Variants in POLM observed in about 807,000 individuals in gnomAD.
POLM encodes the protein DNA-directed DNA/RNA polymerase mu.
Under a neutral mutation model 56.7 loss-of-function variants are expected in POLM, and 52 were observed. The observed-to-expected ratio is 0.92, with a 90% CI of 0.73 to 1.15. The LOEUF (loss-of-function observed/expected upper bound fraction) is 1.15. Ranked by LOEUF, POLM falls within the 50% of genes most tolerant of loss-of-function variation. The pLI is 0.00. For missense variants in POLM, 660 were observed against 663.6 expected, an observed-to-expected ratio of 0.99 and a Z score of 0.06; for synonymous variants, 273 against 274.3, an observed-to-expected ratio of 1.00 and a Z score of 0.05.
In POLM at chr7:44,082,363, G is replaced by A; in HGVS notation, c.76C>T (p.Arg26Cys). 3 of 1,546,356 alleles carry A rather than the reference G, an allele frequency of 1.9e-6. No individual in the cohort carries two copies. Among genetic ancestry groups the A allele is most frequent in the Non-Finnish European group, 1.7e-6 (2 of 1,154,964 alleles). Residue 26 changes from arginine (R) to cysteine (C), a missense_variant, in exon 1 of 11, where the codon CGC (arginine) becomes TGC (cysteine). Coordinates refer to ENST00000242248, the MANE Select transcript of POLM (RefSeq NM_013284.4). ...DAASSTPPST[R>C]FPGVAIYLVE... ...AGGTAGATGGCGACTCCCGGGAAGCGCGTCGAGGGCGGCGTGGAGGAAGCG... is the reference window on the plus strand; with the variant it reads ...AGGTAGATGGCGACTCCCGGGAAGCACGTCGAGGGCGGCGTGGAGGAAGCG...
intron 10 of POLM, 57 bp from the exon 11 acceptor site, chr7:44,073,434 C>A: frequency 6.3e-7 from 1 of 1,594,968 alleles, no homozygotes; most frequent in Non-Finnish European, 8.6e-7. Flanking sequence ...TGCTTCCCTG[C>A]AGGAAGACTG....
intron 2 of POLM, 23 bp downstream of exon 2, chr7:44,080,710 C>T: frequency 6.2e-7 from 1 of 1,611,828 alleles, no homozygotes; most frequent in Non-Finnish European, 8.5e-7. Context: ...GTAGCCCCCA[C>T]TTTAGTCTTC....
At chr7:44,074,265 ACACGG>A in intron 7 of POLM, 32 bp from the exon 8 acceptor site, 1 of 1,550,482 alleles carries the variant, frequency 6.4e-7, no homozygotes, top group South Asian at 1.2e-5. Context: ...TGACTCAGGG[ACACGG>A]CCTGCTCACT....
At chr7:44,076,176 C>T (rs1001566068) in intron 6 of POLM, 25 of 209,310 alleles carry the variant, frequency 1.2e-4, no homozygotes, top group Middle Eastern at 1.7e-3. Flanking sequence ...TTCTGCTGCT[C>T]AGTGCCACCT....
chr7:44,072,143 T>C lies in POLM; in HGVS notation c.*1148A>G, dbSNP rs1410730929. The C allele has an allele frequency of 6.6e-6, 1 of 152,132 alleles. No individual in the cohort carries two copies. The highest frequency in any genetic ancestry group is 1.5e-5 in the Non-Finnish European group (1 of 68,046). 9.4% of individuals were successfully genotyped at this position (152,132 alleles called of 1,614,324 possible). A position where few individuals can be genotyped will look rare whatever the true frequency, so the allele number is the denominator to read the frequency against. ...TAGGGATGTAGCACCGCTAAGTGGGTGGGGGTGGAGAAGCACATGACCACA... is the reference window on the plus strand; with the variant it reads ...TAGGGATGTAGCACCGCTAAGTGGGCGGGGGTGGAGAAGCACATGACCACA... On this transcript the variant is annotated 3_prime_UTR_variant, in exon 11 of 11. Transcript: ENST00000242248.
chr7:44,080,351 C>A, intron 2 of POLM: 1 of 544,346 alleles, frequency 1.8e-6, no homozygotes. Flanking sequence ...GGCAACCTGG[C>A]CCCAAGCCCA....
chr7:44,080,319 GC>G, intron 2 of POLM: 1 of 541,102 alleles, frequency 1.8e-6, no homozygotes, highest in South Asian at 1.5e-5. Context: ...TGGCTCACAG[GC>G]TGGGCCAGGA....
At chr7:44,081,584 AT>A (rs1410024846) in intron 1 of POLM, among the ~76,000 whole-genome samples, 1 of 151,716 alleles carries the variant, frequency 6.6e-6, no homozygotes, top group African/African-American at 2.4e-5. Flanking sequence ...TGTAGCCGCC[AT>A]TTTTTCTTCT....
At position 44,074,389 on chromosome 7, in the gene POLM, C is replaced by G. The variant is rs749018987; in HGVS notation, c.968+9G>C. The G allele has an allele frequency of 1.3e-6, 2 of 1,553,558 alleles. No individual in the cohort carries two copies. Among genetic ancestry groups the G allele is most frequent in the South Asian group, 1.2e-5 (1 of 84,208 alleles). ...AGCCAAGCCAGAGGGGCACGTCGGG[C>G]CTTCTTACCTGCGGAAGCCGCCGGT... On this transcript the variant is annotated intron_variant, in intron 7 of 10. Transcript: ENST00000242248.
At chr7:44,078,667 G>T in intron 5 of POLM, 73 bp downstream of exon 5, 1 of 1,386,844 alleles carries the variant, frequency 7.2e-7, no homozygotes. Flanking sequence ...GCCTCCCCGT[G>T]CATGGTGTGG....
In POLM at chr7:44,079,894, AG is replaced by A; in HGVS notation, c.437del (p.Pro146LeufsTer51). The A allele has an allele frequency of 6.2e-7, 1 of 1,614,118 alleles. No individual in the cohort carries two copies. The highest frequency in any genetic ancestry group is 1.1e-5 in the South Asian group (1 of 91,088). ...AWMPAYACQR[P>X]TPLTHHNTGL... ...CAGTGTTGTGGTGTGTGAGGGGCGT[AG>A]GGCGCTGGCAGGCATAGGCAGGCAT... On this transcript the variant is annotated frameshift_variant, in exon 3 of 11. Transcript: ENST00000242248. LOFTEE classifies it high-confidence loss of function.
Position 44,074,492 on chromosome 7 carries a change from G to T in POLM, c.874C>A (p.Arg292=). 1 of 1,597,888 alleles carries T rather than the reference G, an allele frequency of 6.3e-7. No individual in the cohort carries two copies. The highest frequency in any genetic ancestry group is 8.5e-7 in the Non-Finnish European group (1 of 1,172,742). ...TGCTGCAGGGCATCTACATCGGACC[G>T]CAGGACTGGGGTGCTCAGGTCCTGG... is the stretch of plus-strand genomic sequence containing the variant. ...HHQDLSTPVL[R]SDVDALQQVV... is the part of the protein sequence containing the mutation. The change falls in exon 7 of 11, where the codon CGG becomes AGG. Residue 292 remains arginine, a synonymous_variant. Coordinates refer to ENST00000242248, the MANE Select transcript of POLM (RefSeq NM_013284.4).
At chr7:44,076,290 CT>C (rs2096183146) in intron 6 of POLM, 6 of 522,418 alleles carry the variant, frequency 1.1e-5, no homozygotes, top group Admixed American at 1.0e-4. Context: ...ACACAAGCCC[CT>C]GGCATATCAT....
chr7:44,077,384 C>A (rs2096186755), intron 5 of POLM, among the ~76,000 whole-genome samples: 1 of 152,240 alleles, frequency 6.6e-6, no homozygotes, highest in South Asian at 2.1e-4. Context: ...CCGGCCACAG[C>A]CCTCCCCATC....
In POLM at chr7:44,074,159, G is replaced by C. The variant is rs1586012060; in HGVS notation, c.1043C>G (p.Pro348Arg). The C allele has an allele frequency of 1.2e-6, 2 of 1,604,282 alleles. No homozygotes were observed. Reference sequence around the variant, plus strand: ...GTCCTGCAGGCGGCACATCACTCTAGGCAGCAGCCCCGCCTCCTGACCCTC... The same window carrying C: ...GTCCTGCAGGCGGCACATCACTCTACGCAGCAGCCCCGCCTCCTGACCCTC... ...PKEGQEAGLLPRVMCRLQDQG... is the reference protein window; with the variant it reads ...PKEGQEAGLLRRVMCRLQDQG... Residue 348 changes from proline (P) to arginine (R), a missense_variant, in exon 8 of 11, where the codon CCT (proline) becomes CGT (arginine). Pro to Arg is a moderately radical substitution (Grantham distance 103, BLOSUM62 -2). Coordinates refer to ENST00000242248, the MANE Select transcript of POLM (RefSeq NM_013284.4).
In POLM at chr7:44,079,715, T is replaced by G. The variant is rs1037309739; in HGVS notation, c.498A>C (p.Ala166=). 6.2e-7 allele frequency: 1 copy of G among 1,611,068 alleles called. No individual in the cohort carries two copies. The highest frequency in any genetic ancestry group is 1.3e-5 in the African/African-American group (1 of 74,992). Residue 166 remains alanine (A), a synonymous_variant, in exon 4 of 11, where the codon GCA becomes GCC. Transcript: ENST00000242248. The stretch of plus-strand genomic sequence containing the variant: ...GGCCCTCACTGCCTTCAAAGCCTGC[T>G]GCCTCGGCCAGTATCTCCAGAGCCT... ...LSEALEILAE[A]AGFEGSEGRL...
chr7:44,074,991 C>T (rs1332307496), intron 6 of POLM, among the ~76,000 whole-genome samples: 4 of 152,218 alleles, frequency 2.6e-5, no homozygotes, highest in Non-Finnish European at 4.4e-5. Context: ...ATGACGAACA[C>T]CTCACTCTGG....
chr7:44,076,926 G>A (rs536627999), intron 5 of POLM: 21 of 279,550 alleles, frequency 7.5e-5, no homozygotes, highest in Middle Eastern at 1.0e-3. Flanking sequence ...ACATCAGCAC[G>A]AGGGGCTCCT....
In POLM at chr7:44,078,736, G is replaced by A. The variant is rs768350040; in HGVS notation, c.714+4C>T. The A allele has an allele frequency of 3.3e-5, 54 of 1,612,876 alleles. No homozygotes were observed. Among genetic ancestry groups the A allele is most frequent in the South Asian group, 1.5e-4 (14 of 91,064 alleles). ...GGGGTAGGTCCGAGCCCTGCCCTGC[G>A]CACCTTCATGGTCTGGTACCTCTCT... On this transcript the variant is annotated splice_donor_region_variant and intron_variant, in intron 5 of 10. Coordinates refer to ENST00000242248, the MANE Select transcript of POLM (RefSeq NM_013284.4).
Sources: allele counts gnomAD v4.1 joint callset (sites outside exome capture counted in the v4.1 genomes callset), GRCh38; gene constraint gnomAD v4.1.1; transcripts MANE v1.5; gene names NCBI Gene and HGNC (gene_info 2026-07-23, HGNC 2026-07-21).